Variants in CSMD1 observed in about 807,000 individuals in gnomAD.
CSMD1 encodes CUB and sushi domain-containing protein 1.
CSMD1 carries 213 observed loss-of-function variants against 417.5 expected under a neutral mutation model. The ratio of observed to expected loss-of-function variants is 0.51; its 90% CI spans 0.46 to 0.57. The LOEUF (loss-of-function observed/expected upper bound fraction) is 0.57, where lower values mean the gene tolerates loss of function less well. Among genes scored for constraint, CSMD1 ranks in the 20% least tolerant of loss-of-function variants. The pLI is 0.00. For missense variants in CSMD1, 6,923 were observed against 4,529.7 expected (o/e 1.53, Z -15.17); for synonymous variants, 2,862 against 1,736.8 (o/e 1.65, Z -16.11).
chr8:3,863,126 G>A (rs552921507), intron 5 of CSMD1, among the ~76,000 whole-genome samples: 3 of 152,072 alleles, frequency 2.0e-5, no homozygotes, highest in Admixed American at 6.6e-5. Context: ...GGTCGGGCGC[G>A]GTGGCTAATG....
intron 1 of CSMD1, among the ~76,000 whole-genome samples, chr8:4,834,753 G>A (rs561475271): frequency 6.6e-5 from 10 of 151,636 alleles, no homozygotes; most frequent in South Asian, 4.2e-4. Context: ...TCAGGAGATC[G>A]AGACCATCCT....
At chr8:4,599,837 G>A (rs551432155) in intron 2 of CSMD1, among the ~76,000 whole-genome samples, 100 of 152,262 alleles carry the variant, frequency 6.6e-4, no homozygotes, top group African/African-American at 2.4e-3. Context: ...TCCTACATAT[G>A]CAAATGATCT....
intron 33 of CSMD1, among the ~76,000 whole-genome samples, chr8:3,195,265 G>C (rs1386029320): frequency 6.6e-6 from 1 of 152,116 alleles, no homozygotes; most frequent in African/African-American, 2.4e-5. Context: ...GACAGGGCAG[G>C]GTGGGCAGCT....
intron 3 of CSMD1, among the ~76,000 whole-genome samples, chr8:4,196,142 T>A (rs1714768): frequency 6.6e-6 from 1 of 152,124 alleles, no homozygotes; most frequent in Non-Finnish European, 1.5e-5. Context: ...ACCCGGGAAG[T>A]GGAGCTTGCA....
At chr8:4,865,597 T>C (rs151083993) in intron 1 of CSMD1, among the ~76,000 whole-genome samples, 1 of 152,090 alleles carries the variant, frequency 6.6e-6, no homozygotes, top group Non-Finnish European at 1.5e-5. Flanking sequence ...CACTGTTGCA[T>C]ACGCCTTTTC....
At chr8:3,680,994 C>T (rs1392727176) in intron 7 of CSMD1, among the ~76,000 whole-genome samples, 2 of 152,198 alleles carry the variant, frequency 1.3e-5, no homozygotes, top group Non-Finnish European at 2.9e-5. Flanking sequence ...AACAGCCCTT[C>T]ATGCTAAAAA....
chr8:3,642,960 T>G (rs561654505), intron 7 of CSMD1, among the ~76,000 whole-genome samples: 1 of 151,460 alleles, frequency 6.6e-6, no homozygotes, highest in East Asian at 1.9e-4. Flanking sequence ...AAAATACAAA[T>G]TAGGAAATTC....
At chr8:4,414,343 C>A (rs1277472472) in intron 3 of CSMD1, among the ~76,000 whole-genome samples, 2 of 152,172 alleles carry the variant, frequency 1.3e-5, no homozygotes, top group African/African-American at 4.8e-5. Flanking sequence ...AAAGGTCTCT[C>A]TAGCAGCCCA....
chr8:4,500,973 C>T lies in CSMD1; in HGVS notation c.303-80908G>A, dbSNP rs146452525. Among the ~76,000 whole-genome samples, 491 of 152,126 alleles carry T rather than the reference C, an allele frequency of 3.2e-3. 4 individuals carry two copies. The highest frequency in any genetic ancestry group is 0.011 in the African/African-American group (449 of 41,494). ...TGTTTTTGACCCTTTGATTTGTATGCACCAAGAGGTTGATGATGTCCAAAT... is the reference window on the plus strand; with the variant it reads ...TGTTTTTGACCCTTTGATTTGTATGTACCAAGAGGTTGATGATGTCCAAAT... On this transcript the variant is annotated intron_variant, in intron 2 of 69. Transcript: ENST00000635120.
chr8:3,752,220 C>G (rs1048036997), intron 6 of CSMD1, among the ~76,000 whole-genome samples: 2 of 151,464 alleles, frequency 1.3e-5, no homozygotes, highest in African/African-American at 2.4e-5. Flanking sequence ...TGGCCTGGCT[C>G]CAGGTGAAGG....
chr8:3,114,504 G>C (rs1816735310), intron 42 of CSMD1, among the ~76,000 whole-genome samples: 1 of 151,114 alleles, frequency 6.6e-6, no homozygotes, highest in Non-Finnish European at 1.5e-5. Context: ...GATACTGAAA[G>C]TTTAATCTCC....
chr8:3,071,650 T>G (rs1813328320), intron 49 of CSMD1, among the ~76,000 whole-genome samples: 1 of 152,230 alleles, frequency 6.6e-6, no homozygotes, highest in African/African-American at 2.4e-5. Flanking sequence ...AAATGCAATA[T>G]TCATTCCATT....
intron 11 of CSMD1, among the ~76,000 whole-genome samples, chr8:3,492,976 G>C (rs553602753): frequency 3.3e-5 from 5 of 152,256 alleles, no homozygotes; most frequent in South Asian, 4.1e-4. Context: ...TAACATCACA[G>C]GGAAGCAGAG....
rs111957096 is a variant in CSMD1, at chr8:3,658,010, G to A, written c.1010-41213C>T. On this transcript the variant is annotated intron_variant, in intron 7 of 69. Coordinates refer to ENST00000635120, the MANE Select transcript of CSMD1 (RefSeq NM_033225.6). Reference sequence around the variant, plus strand: ...TATAAAGAGAAGTTTGGGATTTGGAGAAGGAAAACTGGATTTCTCGTCTTG... The same window carrying A: ...TATAAAGAGAAGTTTGGGATTTGGAAAAGGAAAACTGGATTTCTCGTCTTG... Among the ~76,000 whole-genome samples the A allele has an allele frequency of 7.4e-4, 112 of 152,250 alleles. 4 individuals are homozygous for A. In the South Asian group the frequency reaches 0.02, roughly 27 times the overall value.
At chr8:4,273,030 A>G (rs1804701268) in intron 3 of CSMD1, among the ~76,000 whole-genome samples, 1 of 152,196 alleles carries the variant, frequency 6.6e-6, no homozygotes, top group African/African-American at 2.4e-5. Flanking sequence ...TCTAACTATT[A>G]TCATTTAAAA....
At chr8:4,008,006 A>C (rs902082058) in intron 4 of CSMD1, among the ~76,000 whole-genome samples, 1 of 152,232 alleles carries the variant, frequency 6.6e-6, no homozygotes, top group Non-Finnish European at 1.5e-5. Context: ...GTAGCAATCC[A>C]TAAGAGGTTT....
intron 5 of CSMD1, among the ~76,000 whole-genome samples, chr8:3,790,637 A>G (rs963785976): frequency 6.6e-6 from 1 of 152,208 alleles, no homozygotes; most frequent in Non-Finnish European, 1.5e-5. Context: ...TCAAAACACA[A>G]AGAGATAATA....
At chr8:3,270,654 A>G (rs1269058395) in intron 26 of CSMD1, among the ~76,000 whole-genome samples, 1 of 152,220 alleles carries the variant, frequency 6.6e-6, no homozygotes, top group Non-Finnish European at 1.5e-5. Flanking sequence ...AAGCAAGTCT[A>G]CAGTATCAAG....
intron 5 of CSMD1, among the ~76,000 whole-genome samples, chr8:3,837,015 C>A (rs571877579): frequency 2.6e-5 from 4 of 151,958 alleles, no homozygotes; most frequent in Admixed American, 6.6e-5. Context: ...AGTGAAGTTA[C>A]TCCCTTCTTG....
Sources: allele counts gnomAD v4.1 joint callset (sites outside exome capture counted in the v4.1 genomes callset), GRCh38; gene constraint gnomAD v4.1.1; transcripts MANE v1.5; gene names NCBI Gene and HGNC (gene_info 2026-07-23, HGNC 2026-07-21).